The following WNT3A variants were observed in gnomAD, a reference collection of about 807,000 sequenced individuals.
WNT3A encodes Wnt family member 3A.
In WNT3A, 17 loss-of-function variants were observed where a neutral mutation model predicts 37.0. The ratio of observed to expected loss-of-function variants is 0.46; its 90% CI spans 0.31 to 0.69. The LOEUF is 0.69. Among genes scored for constraint, WNT3A ranks in the 30% least tolerant of loss-of-function variants. The pLI is 0.05. For synonymous variants in WNT3A, 187 were observed against 211.0 expected (o/e 0.89, Z 0.99); for missense variants, 411 against 510.2 (o/e 0.81, Z 1.87).
chr1:228,058,295 T>A (rs1044674054), intron 3 of WNT3A, among the ~76,000 whole-genome samples: 8 of 152,330 alleles, frequency 5.3e-5, no homozygotes, highest in Middle Eastern at 3.4e-3. Flanking sequence ...TGGGCTCCTG[T>A]CTGTCCAGTG....
intron 3 of WNT3A, among the ~76,000 whole-genome samples, chr1:228,056,063 T>C (rs1268205689): frequency 6.6e-6 from 1 of 152,242 alleles, no homozygotes; most frequent in Non-Finnish European, 1.5e-5. Flanking sequence ...CTGGGGACTC[T>C]GACCAACTCA....
intron 1 of WNT3A, among the ~76,000 whole-genome samples, chr1:228,021,510 G>A (rs561041970): frequency 2.6e-5 from 4 of 152,222 alleles, no homozygotes; most frequent in African/African-American, 9.6e-5. Flanking sequence ...CGTGCTCACG[G>A]GAGCCCATGC....
rs2031542078 is a variant in WNT3A at position 228,050,981 on chromosome 1, C to T, written c.579+60C>T. On this transcript the variant is annotated intron_variant, in intron 3 of 3. Coordinates refer to ENST00000284523, the MANE Select transcript of WNT3A (RefSeq NM_033131.4). The surrounding 1 kb of genome is among the most constrained non-coding windows in gnomAD (Gnocchi z 5.0). ...AGGAGCCTCCTCAGCAGGGTGTGTGCCCTGGTTCCTTGGGGCATATGGCCC... is the reference window on the plus strand; with the variant it reads ...AGGAGCCTCCTCAGCAGGGTGTGTGTCCTGGTTCCTTGGGGCATATGGCCC... 6.8e-7 allele frequency: 1 copy of T among 1,468,526 alleles called. No homozygotes were observed. Among genetic ancestry groups the T allele is most frequent in the African/African-American group, 1.4e-5 (1 of 70,740 alleles). The allele number at this position is 1,468,526 out of a possible 1,614,324, so 91.0% of individuals were successfully genotyped here.
chr1:228,040,072 G>A (rs1357701029), intron 2 of WNT3A, among the ~76,000 whole-genome samples: 2 of 152,156 alleles, frequency 1.3e-5, no homozygotes, highest in Non-Finnish European at 2.9e-5. Flanking sequence ...CCATGCAGTG[G>A]GGGCCCAGCC....
intron 2 of WNT3A, 40 bp downstream of exon 2, chr1:228,022,948 TG>T: frequency 6.4e-7 from 1 of 1,566,674 alleles, no homozygotes; most frequent in Non-Finnish European, 8.7e-7. Context: ...GAGTCTGGAG[TG>T]GGACAGAGTC....
In WNT3A at chr1:228,038,274, CGGCTCCGGCG is replaced by C. The variant is rs951318903; in HGVS notation, c.314-12369_314-12360del. The stretch of plus-strand genomic sequence containing the variant: ...CCCCCGAGGGGAGGCGCCCGGGCGT[CGGCTCCGGCG>C]GGCTCCGGCGGGGACCGGGGCGCGG... On this transcript the variant is annotated intron_variant, in intron 2 of 3. Coordinates refer to ENST00000284523, the MANE Select transcript of WNT3A (RefSeq NM_033131.4). The surrounding 1 kb of genome is among the most constrained non-coding windows in gnomAD (Gnocchi z 5.7). 5.3e-5 allele frequency among the ~76,000 whole-genome samples: 8 copies of C among 152,042 alleles called. No homozygotes were observed. The East Asian group carries it at 7.8e-4, about 15-fold the overall frequency.
At chr1:228,032,311 C>T (rs576577069) in intron 2 of WNT3A, among the ~76,000 whole-genome samples, 16 of 152,286 alleles carry the variant, frequency 1.1e-4, no homozygotes, top group African/African-American at 2.4e-4. Flanking sequence ...CTGGATTGGA[C>T]GATGCCCATG....
At chr1:228,023,008 A>G in intron 2 of WNT3A, 100 bp downstream of exon 2, 2 of 1,505,464 alleles carry the variant, frequency 1.3e-6, no homozygotes, top group Non-Finnish European at 1.8e-6. Context: ...CGGTGGGAAC[A>G]GTGCCTCACG....
In WNT3A at chr1:228,029,686, T is replaced by C. The variant is rs574055370; in HGVS notation, c.313+6778T>C. ...AGGTCAAAAACCCTGGGCCCCTGGC[T>C]GCCACCTTACCCTCCTCCCTGTCCT... On this transcript the variant is annotated intron_variant, in intron 2 of 3. Transcript: ENST00000284523. Among the ~76,000 whole-genome samples the C allele has an allele frequency of 7.4e-4, 112 of 152,222 alleles. No individual in the cohort carries two copies. In the South Asian group the frequency reaches 0.023, roughly 32 times the overall value.
intron 2 of WNT3A, among the ~76,000 whole-genome samples, chr1:228,040,994 T>TATAA (rs1553309927): frequency 1.6e-4 from 23 of 140,438 alleles, no homozygotes; most frequent in South Asian, 8.9e-4. Flanking sequence ...TATATATATA[T>TATAA]AATATCTACT....
intron 1 of WNT3A, among the ~76,000 whole-genome samples, chr1:228,011,586 G>A (rs551033147): frequency 6.2e-4 from 94 of 152,140 alleles, no homozygotes; most frequent in African/African-American, 2.1e-3. Flanking sequence ...CTCTGTGTCT[G>A]TCTCTCTCTT....
Position 228,031,500 on chromosome 1 carries a change from T to C in WNT3A, c.313+8592T>C, listed in dbSNP as rs1168976791. On this transcript the variant is annotated intron_variant, in intron 2 of 3. Transcript: ENST00000284523. This position sits in a 1 kb window ranked among gnomAD's most constrained non-coding sequence, Gnocchi z 4.8. ...CGTGTCCAAGGGTGTGTGTGGCGTG[T>C]GATGCATTGTGTGTATGTGAGTGTG... 6.6e-6 allele frequency among the ~76,000 whole-genome samples: 1 copy of C among 152,070 alleles called. No individual in the cohort carries two copies. Among genetic ancestry groups the C allele is most frequent in the African/African-American group, 2.4e-5 (1 of 41,418 alleles).
At position 228,050,810 on chromosome 1, in the gene WNT3A, C is replaced by T. The variant is rs1467269448; in HGVS notation, c.468C>T (p.Ser156=). Residue 156 remains serine (S), a synonymous_variant, in exon 3 of 4, where the codon AGC becomes AGT. Coordinates refer to ENST00000284523, the MANE Select transcript of WNT3A (RefSeq NM_033131.4). The surrounding 1 kb of genome is among the most constrained non-coding windows in gnomAD (Gnocchi z 5.0). Reference sequence around the variant, plus strand: ...AGGGCTGGAAGTGGGGTGGCTGTAGCGAGGACATCGAGTTTGGTGGGATGG... The same window carrying T: ...AGGGCTGGAAGTGGGGTGGCTGTAGTGAGGACATCGAGTTTGGTGGGATGG... The part of the protein sequence containing the change: ...PGKGWKWGGC[S]EDIEFGGMVS... 9.3e-6 allele frequency: 15 copies of T among 1,613,284 alleles called. 1 individual carries two copies. Among genetic ancestry groups the T allele is most frequent in the African/African-American group, 4.0e-5 (3 of 74,984 alleles).
chr1:228,017,433 C>T (rs926635738), intron 1 of WNT3A, among the ~76,000 whole-genome samples: 1 of 152,184 alleles, frequency 6.6e-6, no homozygotes, highest in African/African-American at 2.4e-5. Context: ...ACCACAGTGG[C>T]CAGGCGCGGT....
At position 228,050,974 on chromosome 1, in the gene WNT3A, G is replaced by A; in HGVS notation, c.579+53G>A. 2.0e-6 allele frequency: 3 copies of A among 1,480,004 alleles called. No individual in the cohort carries two copies. The highest frequency in any genetic ancestry group is 2.7e-6 in the Non-Finnish European group (3 of 1,119,758). The allele number at this position is 1,480,004 out of a possible 1,614,324, so 91.7% of individuals were successfully genotyped here. The stretch of plus-strand genomic sequence containing the variant: ...GGGAAAAAGGAGCCTCCTCAGCAGG[G>A]TGTGTGCCCTGGTTCCTTGGGGCAT... On this transcript the variant is annotated intron_variant, in intron 3 of 3. Coordinates refer to ENST00000284523, the MANE Select transcript of WNT3A (RefSeq NM_033131.4). The surrounding 1 kb of genome is among the most constrained non-coding windows in gnomAD (Gnocchi z 5.0).
intron 2 of WNT3A, among the ~76,000 whole-genome samples, chr1:228,045,833 T>C (rs1388167916): frequency 6.6e-6 from 1 of 152,234 alleles, no homozygotes; most frequent in Non-Finnish European, 1.5e-5. Context: ...GCTCAGACCC[T>C]GCTCATTCCT....
intron 3 of WNT3A, 149 bp downstream of exon 3, chr1:228,051,070 TAGCACCATCC>T: frequency 9.2e-7 from 1 of 1,089,782 alleles, no homozygotes; most frequent in Non-Finnish European, 1.3e-6. Context: ...GTGCGAAGCT[TAGCACCATCC>T]AGCTACACCA....
At chr1:228,049,008 A>G (rs1299770119) in intron 2 of WNT3A, among the ~76,000 whole-genome samples, 2 of 152,224 alleles carry the variant, frequency 1.3e-5, no homozygotes, top group Non-Finnish European at 2.9e-5. Flanking sequence ...CATTTGGGGA[A>G]GAAGGAAGCT....
chr1:228,054,990 C>A (rs934522362), intron 3 of WNT3A, among the ~76,000 whole-genome samples: 1 of 150,184 alleles, frequency 6.7e-6, no homozygotes, highest in Non-Finnish European at 1.5e-5. Context: ...CAAAATTAGC[C>A]GGGCGTGGTA....
Sources: allele counts gnomAD v4.1 joint callset (sites outside exome capture counted in the v4.1 genomes callset), GRCh38; gene constraint gnomAD v4.1.1; non-coding constraint Gnocchi (gnomAD v3.1); transcripts MANE v1.5; gene names NCBI Gene and HGNC (gene_info 2026-07-23, HGNC 2026-07-21).